Variants in PAX3 observed in about 807,000 individuals in gnomAD.
The protein encoded by PAX3 is paired box protein Pax-3.
A neutral mutation model predicts 51.6 loss-of-function variants in PAX3; 14 were observed. That is an observed-to-expected ratio of 0.27 (90% CI 0.18 to 0.42). The LOEUF (loss-of-function observed/expected upper bound fraction) is 0.42. Ranked by LOEUF, PAX3 falls within the 10% of genes least tolerant of loss-of-function variation. The probability of loss-of-function intolerance (pLI) is 1.00; values close to 1 mark genes in which losing one functional copy is unlikely to be tolerated. For missense variants in PAX3, 540 were observed against 642.8 expected, an observed-to-expected ratio of 0.84 and a Z score of 1.73; for synonymous variants, 280 against 253.4, an observed-to-expected ratio of 1.11 and a Z score of -1.00.
chr2:222,269,979 TA>T (rs376842125), intron 4 of PAX3, among the ~76,000 whole-genome samples: 2 of 152,360 alleles, frequency 1.3e-5, no homozygotes, highest in African/African-American at 4.8e-5. Context: ...TCTCTCTATC[TA>T]CACATTTAGA....
intron 5 of PAX3, among the ~76,000 whole-genome samples, chr2:222,225,285 A>C (rs1344461450): frequency 6.6e-6 from 1 of 152,168 alleles, no homozygotes; most frequent in Non-Finnish European, 1.5e-5. Context: ...GAGTCCTTCC[A>C]TAAAGCCATA....
Position 222,199,935 on chromosome 2 carries a change from A to C in PAX3, c.*1473T>G, listed in dbSNP as rs1691232038. 5.4e-6 allele frequency: 1 copy of C among 185,292 alleles called. No individual in the cohort carries two copies. Among genetic ancestry groups the C allele is most frequent in the Admixed American group, 6.2e-5 (1 of 16,082 alleles). 11.5% of individuals were successfully genotyped at this position (185,292 alleles called of 1,614,324 possible). ...ATTATAAATAGTAAATATTTACTGC[A>C]CTTTTTACATGAAAGACATTTTTAC... On this transcript the variant is annotated 3_prime_UTR_variant, in exon 9 of 9. Transcript: ENST00000392070.
chr2:222,251,219 A>T (rs933645089), intron 4 of PAX3, among the ~76,000 whole-genome samples: 14 of 152,162 alleles, frequency 9.2e-5, no homozygotes, highest in African/African-American at 3.4e-4. Context: ...TCTTCATTTA[A>T]CATTAGGTAT....
chr2:222,263,354 G>A (rs1256248945), intron 4 of PAX3: 1 of 152,098 alleles, frequency 6.6e-6, no homozygotes, highest in Non-Finnish European at 1.5e-5. Context: ...TGGCAAATAA[G>A]GACATGAAAA....
intron 3 of PAX3, 24 bp downstream of exon 3, chr2:222,295,504 G>T: frequency 6.2e-7 from 1 of 1,614,086 alleles, no homozygotes; most frequent in Non-Finnish European, 8.5e-7. Context: ...TCGCGCCTCG[G>T]GGAGAGGTTA....
intron 4 of PAX3, among the ~76,000 whole-genome samples, chr2:222,245,168 T>C (rs1331668612): frequency 6.6e-6 from 1 of 151,784 alleles, no homozygotes; most frequent in Non-Finnish European, 1.5e-5. Context: ...AGAAAAGAAA[T>C]AGAATAAAAT....
At chr2:222,203,302 T>A (rs1303415121) in intron 7 of PAX3, among the ~76,000 whole-genome samples, 1 of 151,654 alleles carries the variant, frequency 6.6e-6, no homozygotes. Context: ...AGGAAGCGAT[T>A]TTTCTAAACT....
At chr2:222,259,286 T>C (rs1277381110) in intron 4 of PAX3, among the ~76,000 whole-genome samples, 1 of 152,208 alleles carries the variant, frequency 6.6e-6, no homozygotes, top group Non-Finnish European at 1.5e-5. Context: ...CATTCTCCAC[T>C]TCCTGATACA....
intron 5 of PAX3, among the ~76,000 whole-genome samples, chr2:222,225,840 T>C (rs1172650455): frequency 6.6e-6 from 1 of 152,212 alleles, no homozygotes; most frequent in African/African-American, 2.4e-5. Context: ...AAACCAAGAA[T>C]TGAAGCTCTG....
At chr2:222,273,557 A>C (rs1161837632) in intron 4 of PAX3, among the ~76,000 whole-genome samples, 1 of 152,194 alleles carries the variant, frequency 6.6e-6, no homozygotes, top group Non-Finnish European at 1.5e-5. Context: ...TGGTTCCTGC[A>C]AAGCCAATGT....
intron 4 of PAX3, among the ~76,000 whole-genome samples, chr2:222,240,249 A>C (rs567397028): frequency 2.6e-5 from 4 of 152,100 alleles, no homozygotes; most frequent in Non-Finnish European, 4.4e-5. Context: ...AACATGGACT[A>C]TTGGGTGTTT....
rs1182903744 is a variant in PAX3 at position 222,200,954 on chromosome 2, C to T, written c.*454G>A. On this transcript the variant is annotated 3_prime_UTR_variant, in exon 9 of 9. Transcript: ENST00000392070. The stretch of plus-strand genomic sequence containing the variant: ...AAGTTGTAGAAGTATCAGCATCGAA[C>T]ATCGACATGTTATACTTTAGGGTAT... 9 of 588,034 alleles carry T rather than the reference C, an allele frequency of 1.5e-5. No individual in the cohort carries two copies. The East Asian group carries it at 2.3e-4, about 15-fold the overall frequency. 36.4% of individuals were successfully genotyped at this position (588,034 alleles called of 1,614,324 possible).
chr2:222,263,552 TA>T (rs1574712774), intron 4 of PAX3: 1 of 152,198 alleles, frequency 6.6e-6, no homozygotes, highest in African/African-American at 2.4e-5. Context: ...AGTCACTCTG[TA>T]AAACAGTCTG....
chr2:222,219,884 C>T (rs557923932), intron 7 of PAX3, among the ~76,000 whole-genome samples: 3 of 152,264 alleles, frequency 2.0e-5, no homozygotes, highest in Non-Finnish European at 2.9e-5. Flanking sequence ...ATGGCAAACA[C>T]CTTCACAGCT....
At position 222,213,195 on chromosome 2, in the gene PAX3, C is replaced by T. The variant is rs566170356; in HGVS notation, c.1173+6945G>A. 8.5e-5 allele frequency among the ~76,000 whole-genome samples: 13 copies of T among 152,210 alleles called. No homozygotes were observed. In the South Asian group the frequency reaches 2.1e-3, roughly 24 times the overall value. ...TTTAAAAAGGAGATTTGGGCCAGGT[C>T]GTTGTCTCTTTCACAATTCACCAAA... On this transcript the variant is annotated intron_variant, in intron 7 of 8. Transcript: ENST00000392070.
intron 5 of PAX3, among the ~76,000 whole-genome samples, chr2:222,224,664 A>G (rs1235490145): frequency 6.6e-6 from 1 of 152,214 alleles, no homozygotes. Context: ...TTATCAGCCC[A>G]CATTTAACTG....
At chr2:222,238,218 G>C (rs13410020) in intron 4 of PAX3, among the ~76,000 whole-genome samples, 2 of 152,072 alleles carry the variant, frequency 1.3e-5, no homozygotes, top group Non-Finnish European at 2.9e-5. Flanking sequence ...TACCACCAGC[G>C]GGCTAACCAT....
chr2:222,262,280 C>T (rs1270596666), intron 4 of PAX3, among the ~76,000 whole-genome samples: 4 of 152,228 alleles, frequency 2.6e-5, no homozygotes, highest in East Asian at 3.9e-4. Context: ...GGATTATTCC[C>T]TATTTGGACT....
Position 222,202,107 on chromosome 2 carries a change from C to T in PAX3, c.1257G>A (p.Leu419=), listed in dbSNP as rs775861804. ...TGGCCGACACCGTGGTGGTAGGTTC[C>T]AGACCCCCGGTGAGAGGGGAGAGCG... The part of the protein sequence containing the change: ...DYALSPLTGG[L]EPTTTVSASC... The change falls in exon 8 of 9, where the codon CTG becomes CTA. Residue 419 remains leucine (L), a synonymous_variant. Transcript: ENST00000392070. 6.2e-7 allele frequency: 1 copy of T among 1,613,876 alleles called. No homozygotes were observed. The highest frequency in any genetic ancestry group is 8.5e-7 in the Non-Finnish European group (1 of 1,179,948).
Sources: gnomAD v4.1 joint callset for allele counts (sites outside exome capture counted in the v4.1 genomes callset) on GRCh38, gnomAD v4.1.1 for gene constraint, MANE v1.5 for transcripts, NCBI Gene and HGNC (gene_info 2026-07-23, HGNC 2026-07-21) for gene names.